The following MAPK10 variants were observed in gnomAD, a reference collection of about 807,000 sequenced individuals.
MAPK10 encodes JNK3 alpha protein kinase.
MAPK10 carries 25 observed loss-of-function variants against 59.3 expected under a neutral mutation model. That is an observed-to-expected ratio of 0.42 (90% CI 0.31 to 0.59). The LOEUF is 0.59. Among genes scored for constraint, MAPK10 ranks in the 20% least tolerant of loss-of-function variants. The probability of loss-of-function intolerance (pLI) is 0.15; values close to 1 mark genes in which losing one functional copy is unlikely to be tolerated. For missense variants in MAPK10, 351 were observed against 568.9 expected, an observed-to-expected ratio of 0.62 and a Z score of 3.90; for synonymous variants, 190 against 200.5, an observed-to-expected ratio of 0.95 and a Z score of 0.44.
At chr4:86,075,457 G>C (rs1328255309) in intron 9 of MAPK10, among the ~76,000 whole-genome samples, 1 of 152,148 alleles carries the variant, frequency 6.6e-6, no homozygotes, top group Non-Finnish European at 1.5e-5. Context: ...TCCTTTGGAG[G>C]AGGAGAGATG....
chr4:86,269,637 C>T (rs1323806007), intron 2 of MAPK10, among the ~76,000 whole-genome samples: 1 of 152,094 alleles, frequency 6.6e-6, no homozygotes, highest in Non-Finnish European at 1.5e-5. Flanking sequence ...TCTCTACTCC[C>T]ACTTGGAGAG....
At chr4:86,255,464 A>G (rs2093665299) in intron 2 of MAPK10, among the ~76,000 whole-genome samples, 1 of 152,182 alleles carries the variant, frequency 6.6e-6, no homozygotes, top group Non-Finnish European at 1.5e-5. Context: ...GAAGAGCTGC[A>G]TTCCTCTCTG....
chr4:86,206,051 T>C (rs1235707668), intron 2 of MAPK10, among the ~76,000 whole-genome samples: 2 of 151,996 alleles, frequency 1.3e-5, no homozygotes, highest in East Asian at 1.9e-4. Context: ...AATTTAATTT[T>C]ATTATTATTA....
intron 4 of MAPK10, among the ~76,000 whole-genome samples, chr4:86,114,416 A>C (rs367754258): frequency 8.5e-5 from 13 of 152,064 alleles, no homozygotes; most frequent in African/African-American, 3.1e-4. Flanking sequence ...TCTTTTGTTT[A>C]ACAGTATGGC....
chr4:86,537,932 C>T (rs1578037895), intron 1 of MAPK10, among the ~76,000 whole-genome samples: 1 of 151,988 alleles, frequency 6.6e-6, no homozygotes, highest in Non-Finnish European at 1.5e-5. Context: ...GTCCTGTGTT[C>T]TAAAAGTTCC....
intron 2 of MAPK10, among the ~76,000 whole-genome samples, chr4:86,302,930 AT>A (rs2095496617): frequency 6.6e-6 from 1 of 152,206 alleles, no homozygotes; most frequent in East Asian, 1.9e-4. Flanking sequence ...AGCCACATTT[AT>A]TTTAAATTTC....
At chr4:86,103,642 A>C (rs1003925168) in intron 5 of MAPK10, among the ~76,000 whole-genome samples, 1 of 152,140 alleles carries the variant, frequency 6.6e-6, no homozygotes. Context: ...TACTTCTCCA[A>C]ATGAACAAAG....
upstream of MAPK10, among the ~76,000 whole-genome samples, chr4:86,455,472 G>A (rs1481793674): frequency 6.6e-6 from 1 of 152,148 alleles, no homozygotes; most frequent in Non-Finnish European, 1.5e-5. Flanking sequence ...GACATTCCAT[G>A]CGAATGGACA....
At chr4:86,546,980 C>CGGAAGGT (rs2149097788) in intron 1 of MAPK10, among the ~76,000 whole-genome samples, 1 of 151,920 alleles carries the variant, frequency 6.6e-6, no homozygotes, top group Admixed American at 6.6e-5. Flanking sequence ...CGTGTGAACC[C>CGGAAGGT]GGAAGGTGGA....
intron 13 of MAPK10, among the ~76,000 whole-genome samples, chr4:86,022,030 C>T (rs912173025): frequency 2.6e-5 from 4 of 152,352 alleles, no homozygotes; most frequent in African/African-American, 4.8e-5. Context: ...GGGCTCCAGC[C>T]TTGGCCAGCC....
intron 2 of MAPK10, among the ~76,000 whole-genome samples, chr4:86,235,588 C>T (rs760877109): frequency 2.4e-4 from 36 of 152,132 alleles, no homozygotes; most frequent in Admixed American, 7.9e-4. Flanking sequence ...AGTAGAAAGT[C>T]GCTCATCTTT....
intron 1 of MAPK10, among the ~76,000 whole-genome samples, chr4:86,405,294 A>G (rs1395216604): frequency 6.6e-6 from 1 of 152,190 alleles, no homozygotes; most frequent in Non-Finnish European, 1.5e-5. Flanking sequence ...GTGTTGTTAA[A>G]ACTAAAGGAA....
rs753508493 is a variant in MAPK10, at chr4:86,550,374, T to TAAAAAAAA, written c.-263+43528_-263+43535dup. 3.4e-3 allele frequency among the ~76,000 whole-genome samples: 263 copies of TAAAAAAAA among 77,364 alleles called. 40 individuals are homozygous for TAAAAAAAA. The highest frequency in any genetic ancestry group is 4.7e-3 in the Non-Finnish European group (204 of 43,314). The allele number at this position is 77,364 out of a possible 152,430, so 50.8% of individuals were successfully genotyped here. A position where few individuals can be genotyped will look rare whatever the true frequency, so the allele number is the denominator to read the frequency against. ...CAGAAGGGCTAAGCAGAGCTTCAGT[T>TAAAAAAAA]AAAAAAAAAAAAAAAAAAAAAAAAA... On this transcript the variant is annotated intron_variant, in intron 1 of 4. Coordinates refer to the MAPK10 transcript ENST00000502302.
intron 1 of MAPK10, among the ~76,000 whole-genome samples, chr4:86,487,621 C>G (rs1175352916): frequency 6.6e-6 from 1 of 151,200 alleles, no homozygotes; most frequent in Non-Finnish European, 1.5e-5. Flanking sequence ...GTCCCAGCTA[C>G]TTGGGAGGCT....
chr4:86,027,287 T>C (rs974535421), intron 13 of MAPK10: 3 of 152,226 alleles, frequency 2.0e-5, no homozygotes, highest in African/African-American at 7.2e-5. Context: ...TAATTTTTAA[T>C]TGTTAAGGTA....
At chr4:86,577,307 T>A in intron 1 of MAPK10, among the ~76,000 whole-genome samples, 1 of 152,006 alleles carries the variant, frequency 6.6e-6, no homozygotes. Flanking sequence ...AAAGACCTTG[T>A]CTCAAAAAAA....
At position 86,067,912 on chromosome 4, in the gene MAPK10, T is replaced by C; in HGVS notation, c.846A>G (p.Pro282=). 2 of 1,613,758 alleles carry C rather than the reference T, an allele frequency of 1.2e-6. No individual in the cohort carries two copies. Among genetic ancestry groups the C allele is most frequent in the Non-Finnish European group, 1.7e-6 (2 of 1,179,772 alleles). The change falls in exon 10 of 14, where the codon CCA becomes CCG. Residue 282 remains proline (P), a synonymous_variant. Transcript: ENST00000641462. ...GCAATTTCTTCATGAATTCTGGACA[T>C]GGTGTTCCTAGTTGTTCAATTACCT... is the stretch of plus-strand genomic sequence containing the variant. ...WNKVIEQLGT[P]CPEFMKKLQP... is the part of the protein sequence containing the mutation.
intron 2 of MAPK10, among the ~76,000 whole-genome samples, chr4:86,317,191 G>A (rs1460009455): frequency 3.3e-5 from 5 of 152,060 alleles, no homozygotes; most frequent in Non-Finnish European, 5.9e-5. Context: ...CTTGTTCTCT[G>A]GGGCACCACT....
At chr4:86,257,699 A>G (rs1334094959) in intron 2 of MAPK10, among the ~76,000 whole-genome samples, 1 of 152,096 alleles carries the variant, frequency 6.6e-6, no homozygotes, top group Non-Finnish European at 1.5e-5. Context: ...GCTTTCTATT[A>G]CCTAGAACAA....
Sources: gnomAD v4.1 joint callset for allele counts (sites outside exome capture counted in the v4.1 genomes callset) on GRCh38, gnomAD v4.1.1 for gene constraint, MANE v1.5 for transcripts, NCBI Gene and HGNC (gene_info 2026-07-23, HGNC 2026-07-21) for gene names.